Variants in LRRC7 observed in about 807,000 individuals in gnomAD.
LRRC7 encodes the protein leucine rich repeat containing 7.
LRRC7 carries 23 observed loss-of-function variants against 175.7 expected under a neutral mutation model. That is an observed-to-expected ratio of 0.13 (90% CI 0.09 to 0.19). The LOEUF is 0.19. Among genes scored for constraint, LRRC7 ranks in the 10% least tolerant of loss-of-function variants. LRRC7 has a pLI of 1.00. For synonymous variants in LRRC7, 685 were observed against 680.9 expected (o/e 1.01, Z -0.09); for missense variants, 1,354 against 1,904.7 (o/e 0.71, Z 5.38).
At position 70,141,051 on chromosome 1, in the gene LRRC7, C is replaced by T. The variant is rs972623357; in HGVS notation, c.*19164C>T. ...CAATGGAACACTCAAGCAGATTTTC[C>T]TCTAATGAGTAGTTAAGTGGCACAG... On this transcript the variant is annotated 3_prime_UTR_variant, in exon 27 of 27. Transcript: ENST00000651989. 6.6e-6 allele frequency among the ~76,000 whole-genome samples: 1 copy of T among 152,070 alleles called. No homozygotes were observed. Among genetic ancestry groups the T allele is most frequent in the Non-Finnish European group, 1.5e-5 (1 of 67,998 alleles).
At chr1:69,636,420 C>CACGG (rs1424402223) in intron 1 of LRRC7, among the ~76,000 whole-genome samples, 1 of 12,150 alleles carries the variant, frequency 8.2e-5, no homozygotes, top group African/African-American at 2.0e-4. Context: ...TACATCCAGG[C>CACGG]ACAGACACAC....
chr1:69,719,063 A>G (rs1249264876), intron 2 of LRRC7, among the ~76,000 whole-genome samples: 1 of 151,782 alleles, frequency 6.6e-6, no homozygotes, highest in African/African-American at 2.4e-5. Context: ...TCAGAATATC[A>G]TTCAGGATAT....
At chr1:70,121,502 T>C (rs1289576548) in intron 26 of LRRC7, among the ~76,000 whole-genome samples, 1 of 152,056 alleles carries the variant, frequency 6.6e-6, no homozygotes, top group African/African-American at 2.4e-5. Context: ...GGAACTGAAC[T>C]ACTATGTCAC....
chr1:69,578,265 T>C (rs1646040442), intron 1 of LRRC7, among the ~76,000 whole-genome samples: 2 of 150,290 alleles, frequency 1.3e-5, no homozygotes, highest in Admixed American at 6.6e-5. Flanking sequence ...CCAGTTAGAA[T>C]GGCAATCATT....
intron 3 of LRRC7, among the ~76,000 whole-genome samples, chr1:69,767,445 T>G (rs969110846): frequency 6.6e-6 from 1 of 152,000 alleles, no homozygotes; most frequent in Non-Finnish European, 1.5e-5. Context: ...TAGGGTTTTG[T>G]TTTTTATTTT....
chr1:69,618,714 T>G (rs1489396508), intron 1 of LRRC7, among the ~76,000 whole-genome samples: 1 of 152,156 alleles, frequency 6.6e-6, no homozygotes, highest in Admixed American at 6.6e-5. Flanking sequence ...ATATTCTACT[T>G]AAAACAGCAA....
At chr1:69,977,112 G>A (rs1337333534) in intron 8 of LRRC7, among the ~76,000 whole-genome samples, 1 of 152,122 alleles carries the variant, frequency 6.6e-6, no homozygotes, top group Non-Finnish European at 1.5e-5. Context: ...ACATGTTTGT[G>A]CATGACTCAC....
intron 7 of LRRC7, among the ~76,000 whole-genome samples, chr1:69,840,619 G>C (rs1481366757): frequency 6.6e-6 from 1 of 152,012 alleles, no homozygotes; most frequent in Non-Finnish European, 1.5e-5. Context: ...GAGACTCTTA[G>C]ATGTATGCAA....
intron 22 of LRRC7, among the ~76,000 whole-genome samples, chr1:70,045,753 G>A (rs2102046044): frequency 6.6e-6 from 1 of 152,244 alleles, no homozygotes; most frequent in Admixed American, 6.5e-5. Flanking sequence ...ATGGCTGGGG[G>A]AGCCTCACTA....
In LRRC7 at chr1:69,762,340, G is replaced by C. The variant is rs759086633; in HGVS notation, c.303+1947G>C. On this transcript the variant is annotated intron_variant, in intron 3 of 26. Transcript: ENST00000651989. The stretch of plus-strand genomic sequence containing the variant: ...AATAAATCTCGATCTCTGCCCTTCC[G>C]GATCTGACAACCTAATTACAGAGAA... Among the ~76,000 whole-genome samples, 9 of 152,062 alleles carry C rather than the reference G, an allele frequency of 5.9e-5. No homozygotes were observed. The South Asian group carries it at 1.7e-3, about 28-fold the overall frequency.
At chr1:69,577,505 G>A (rs531329851) in intron 1 of LRRC7, among the ~76,000 whole-genome samples, 2 of 152,220 alleles carry the variant, frequency 1.3e-5, no homozygotes, top group African/African-American at 4.8e-5. Context: ...GGGTTTTTAT[G>A]GTTGTAGGTC....
intron 1 of LRRC7, among the ~76,000 whole-genome samples, chr1:69,660,821 C>T (rs1657356537): frequency 2.6e-5 from 4 of 151,990 alleles, no homozygotes; most frequent in Admixed American, 2.6e-4. Context: ...GTGTTGGAGG[C>T]AGTGCAGTGA....
chr1:69,572,689 A>G (rs1645786100), intron 1 of LRRC7, among the ~76,000 whole-genome samples: 1 of 152,184 alleles, frequency 6.6e-6, no homozygotes, highest in South Asian at 2.1e-4. Flanking sequence ...GTAATATGCA[A>G]TCTTAGGTAA....
intron 8 of LRRC7, among the ~76,000 whole-genome samples, chr1:69,947,122 A>AATAC (rs140662994): frequency 0.046 from 6,921 of 151,370 alleles, 168 homozygotes; most frequent in South Asian, 0.083. Flanking sequence ...TAAATAAATA[A>AATAC]ATAAATAAAT....
chr1:69,637,405 C>T (rs1653558923), intron 1 of LRRC7, among the ~76,000 whole-genome samples: 1 of 151,854 alleles, frequency 6.6e-6, no homozygotes, highest in Non-Finnish European at 1.5e-5. Context: ...AATATTTGAG[C>T]ATTGCAGAGT....
At position 70,122,551 on chromosome 1, in the gene LRRC7, G is replaced by A. The variant is rs963829536; in HGVS notation, c.*664G>A. ...TTGCTAAATTCTCATGACACAGAGT[G>A]AAATATTTCATAAATTAGCCATTTA... On this transcript the variant is annotated 3_prime_UTR_variant, in exon 27 of 27. Coordinates refer to ENST00000651989, the MANE Select transcript of LRRC7 (RefSeq NM_001370785.2). 5 of 151,970 alleles carry A rather than the reference G, an allele frequency of 3.3e-5. No individual in the cohort carries two copies. The highest frequency in any genetic ancestry group is 4.4e-5 in the Non-Finnish European group (3 of 67,908). The allele number at this position is 151,970 out of a possible 1,614,324, so 9.4% of individuals were successfully genotyped here. A position where few individuals can be genotyped will look rare whatever the true frequency, so the allele number is the denominator to read the frequency against.
chr1:69,911,679 T>C (rs1332825091), intron 7 of LRRC7, among the ~76,000 whole-genome samples: 1 of 152,204 alleles, frequency 6.6e-6, no homozygotes, highest in Non-Finnish European at 1.5e-5. Flanking sequence ...GATGACTATA[T>C]GACATTTCTC....
chr1:69,995,344 A>G (rs1654833693), intron 11 of LRRC7, among the ~76,000 whole-genome samples: 2 of 152,056 alleles, frequency 1.3e-5, no homozygotes, highest in African/African-American at 4.8e-5. Flanking sequence ...ATGTAAGGGC[A>G]TTTTATTGAG....
At chr1:69,674,152 A>G (rs973757812) in intron 1 of LRRC7, among the ~76,000 whole-genome samples, 1 of 152,174 alleles carries the variant, frequency 6.6e-6, no homozygotes, top group African/African-American at 2.4e-5. Context: ...ATATTAAAAT[A>G]TAAGTGTTAA....
Sources: gnomAD v4.1 joint callset for allele counts (sites outside exome capture counted in the v4.1 genomes callset) on GRCh38, gnomAD v4.1.1 for gene constraint, MANE v1.5 for transcripts, NCBI Gene and HGNC (gene_info 2026-07-23, HGNC 2026-07-21) for gene names.